Variants in TXN observed in about 807,000 individuals in gnomAD.
TXN encodes the protein thioredoxin.
In TXN, 10 loss-of-function variants were observed where a neutral mutation model predicts 16.5. The observed-to-expected ratio is 0.61, with a 90% CI of 0.37 to 1.03. The LOEUF (loss-of-function observed/expected upper bound fraction) is 1.03, where lower values mean the gene tolerates loss of function less well. Ranked by LOEUF, TXN falls within the 50% of genes least tolerant of loss-of-function variation. The pLI is 0.01. For missense variants in TXN, 71 were observed against 122.5 expected (o/e 0.58, Z 1.98); for synonymous variants, 35 against 39.4 (o/e 0.89, Z 0.42).
At chr9:110,248,759 C>T (rs2031760) in intron 3 of TXN, among the ~76,000 whole-genome samples, 32,170 of 151,898 alleles carry the variant, frequency 0.21, 4,285 homozygotes, top group East Asian at 0.62. Context: ...GTATAGTTAT[C>T]GTGAGGATTA....
At position 110,256,438 on chromosome 9, in the gene TXN, TGGCTGCTGGAGTCTGACGAGC is replaced by T; in HGVS notation, c.-24_-4del. ...TTGCTCTCGATCTGCTTCACCATCT[TGGCTGCTGGAGTCTGACGAGC>T]GGCTGTAAGGACCGATGGAAATGGA... On this transcript the variant is annotated 5_prime_UTR_variant, in exon 1 of 5. Coordinates refer to ENST00000374517, the MANE Select transcript of TXN (RefSeq NM_003329.4). The surrounding 1 kb of genome is among the most constrained non-coding windows in gnomAD (Gnocchi z 4.2). 1 of 1,606,940 alleles carries T rather than the reference TGGCTGCTGGAGTCTGACGAGC, an allele frequency of 6.2e-7. No individual in the cohort carries two copies. Among genetic ancestry groups the T allele is most frequent in the Non-Finnish European group, 8.5e-7 (1 of 1,176,812 alleles).
intron 3 of TXN, among the ~76,000 whole-genome samples, chr9:110,247,322 CAAAAA>C (rs5899888): frequency 2.4e-5 from 2 of 82,720 alleles, no homozygotes; most frequent in Admixed American, 1.4e-4. Context: ...GACTCTGTCT[CAAAAA>C]AAAAAAAAAA....
chr9:110,252,223 C>CAAAAAAAAAAAAAA lies in TXN; in HGVS notation c.25-775_25-762dup, dbSNP rs377246017. On this transcript the variant is annotated intron_variant, in intron 1 of 4. Transcript: ENST00000374517. ...TGGGCAATAGACGGAGACTCTGTCG[C>CAAAAAAAAAAAAAA]AAAAAAAAAAAAAAAAAAAAAAGCT... 1.1e-3 allele frequency among the ~76,000 whole-genome samples: 65 copies of CAAAAAAAAAAAAAA among 58,382 alleles called. 4 individuals carry two copies. Among genetic ancestry groups the CAAAAAAAAAAAAAA allele is most frequent in the African/African-American group, 5.7e-3 (62 of 10,884 alleles). The allele number at this position is 58,382 out of a possible 152,430, so 38.3% of individuals were successfully genotyped here.
intron 3 of TXN, among the ~76,000 whole-genome samples, chr9:110,250,229 G>A (rs1313413675): frequency 6.6e-6 from 1 of 152,196 alleles, no homozygotes; most frequent in Non-Finnish European, 1.5e-5. Context: ...AGGATTAAAT[G>A]AACTGATACT....
Position 110,245,602 on chromosome 9 carries a change from T to TATACACACACAC in TXN, c.190-760_190-759insGTGTGTGTGTAT, listed in dbSNP as rs200327890. 2.6e-4 allele frequency among the ~76,000 whole-genome samples: 16 copies of TATACACACACAC among 62,492 alleles called. 3 individuals carry two copies. The East Asian group carries it at 7.9e-3, about 31-fold the overall frequency. 41.0% of individuals were successfully genotyped at this position (62,492 alleles called of 152,430 possible). On this transcript the variant is annotated intron_variant, in intron 3 of 4. Transcript: ENST00000374517. ...TTTTGTGTGTGTGTGTGTATATATA[T>TATACACACACAC]ACACACACACACACACTATATATAT...
chr9:110,253,507 G>A (rs1350492756), intron 1 of TXN, among the ~76,000 whole-genome samples: 2 of 152,172 alleles, frequency 1.3e-5, no homozygotes, highest in African/African-American at 4.8e-5. Flanking sequence ...AGGAAAAAAG[G>A]TCAAGAAATG....
intron 3 of TXN, 32 bp from the exon 4 acceptor site, chr9:110,244,875 AAATAC>A: frequency 6.3e-7 from 1 of 1,581,456 alleles, no homozygotes; most frequent in South Asian, 1.1e-5. Context: ...GGAGAGGATT[AAATAC>A]AAGACTGCGA....
chr9:110,249,017 AC>A (rs1299060383), intron 3 of TXN, among the ~76,000 whole-genome samples: 1 of 150,414 alleles, frequency 6.6e-6, no homozygotes, highest in Non-Finnish European at 1.5e-5. Context: ...AATCCCAGCT[AC>A]CCAGGAGGCT....
chr9:110,248,236 C>G (rs886751786), intron 3 of TXN, among the ~76,000 whole-genome samples: 1 of 152,114 alleles, frequency 6.6e-6, no homozygotes, highest in African/African-American at 2.4e-5. Context: ...GTGTTTATAA[C>G]GTCTACAGGT....
chr9:110,254,424 A>G (rs576959194), intron 1 of TXN, among the ~76,000 whole-genome samples: 1 of 152,338 alleles, frequency 6.6e-6, no homozygotes, highest in East Asian at 1.9e-4. Context: ...CAGGAGGCTG[A>G]GGCAAGAGAA....
At chr9:110,253,048 T>C (rs1248402627) in intron 1 of TXN, among the ~76,000 whole-genome samples, 1 of 151,500 alleles carries the variant, frequency 6.6e-6, no homozygotes, top group Non-Finnish European at 1.5e-5. Context: ...GCTGGTCAAA[T>C]AGGTTTAAAA....
At chr9:110,247,478 G>A (rs1485756792) in intron 3 of TXN, among the ~76,000 whole-genome samples, 1 of 152,122 alleles carries the variant, frequency 6.6e-6, no homozygotes, top group Non-Finnish European at 1.5e-5. Context: ...CATATATGTG[G>A]TGGTCCCATA....
chr9:110,252,823 T>G (rs1837758654), intron 1 of TXN, among the ~76,000 whole-genome samples: 1 of 152,118 alleles, frequency 6.6e-6, no homozygotes, highest in Non-Finnish European at 1.5e-5. Flanking sequence ...TTTTGTATTT[T>G]TAGTAGAGAC....
intron 3 of TXN, among the ~76,000 whole-genome samples, chr9:110,245,476 C>G (rs1337100970): frequency 6.7e-6 from 1 of 149,286 alleles, no homozygotes; most frequent in Non-Finnish European, 1.5e-5. Flanking sequence ...GGGGCATAGT[C>G]TCAGCTCACT....
intron 1 of TXN, among the ~76,000 whole-genome samples, chr9:110,254,106 C>A (rs1407875653): frequency 6.6e-6 from 1 of 151,520 alleles, no homozygotes; most frequent in African/African-American, 2.4e-5. Flanking sequence ...CCATTCCTCT[C>A]TGAAATAGAT....
Position 110,251,347 on chromosome 9 carries a change from T to G in TXN, c.129+11A>C. On this transcript the variant is annotated intron_variant, in intron 2 of 4. Coordinates refer to ENST00000374517, the MANE Select transcript of TXN (RefSeq NM_003329.4). ...AAATCTCTTACAAAGCAGACATTGT[T>G]TAATACTCACATGAAAGAAAGGCTT... 1.3e-6 allele frequency: 2 copies of G among 1,586,290 alleles called. No homozygotes were observed. The highest frequency in any genetic ancestry group is 1.7e-6 in the Non-Finnish European group (2 of 1,156,756).
rs1487339386 is a variant in TXN, at chr9:110,251,343, T to C, written c.129+15A>G. The C allele has an allele frequency of 3.2e-6, 5 of 1,574,340 alleles. No homozygotes were observed. Among genetic ancestry groups the C allele is most frequent in the Non-Finnish European group, 4.4e-6 (5 of 1,145,766 alleles). ...ACACAAATCTCTTACAAAGCAGACA[T>C]TGTTTAATACTCACATGAAAGAAAG... On this transcript the variant is annotated intron_variant, in intron 2 of 4. Transcript: ENST00000374517.
rs5899890 is a variant in TXN at position 110,251,586 on chromosome 9, C to CAAA, written c.25-127_25-125dup. The CAAA allele has an allele frequency of 8.2e-3, 462 of 56,280 alleles. 59 individuals carry two copies. The highest frequency in any genetic ancestry group is 0.025 in the Admixed American group (91 of 3,708). 3.5% of individuals were successfully genotyped at this position (56,280 alleles called of 1,614,324 possible). On this transcript the variant is annotated intron_variant, in intron 1 of 4. Coordinates refer to ENST00000374517, the MANE Select transcript of TXN (RefSeq NM_003329.4). ...CTCCTTTCAGGACCTACTTTTTAGC[C>CAAA]AAAAAAAAAAAAAAAAAAAAAAAAA...
chr9:110,244,394 G>C lies in TXN; in HGVS notation c.256-175C>G, dbSNP rs1837622248. On this transcript the variant is annotated intron_variant, in intron 4 of 4. Coordinates refer to ENST00000374517, the MANE Select transcript of TXN (RefSeq NM_003329.4). The stretch of plus-strand genomic sequence containing the variant: ...AGAATAGGGGTGGAGGGAAAAAGAA[G>C]TATAATCTTATTTAAAGTAAACTTC... Among the ~76,000 whole-genome samples, 4 of 122,764 alleles carry C rather than the reference G, an allele frequency of 3.3e-5. No homozygotes were observed. The Admixed American group carries it at 3.6e-4, about 11-fold the overall frequency. The allele number at this position is 122,764 out of a possible 152,430, so 80.5% of individuals were successfully genotyped here.
Sources: allele counts gnomAD v4.1 joint callset (sites outside exome capture counted in the v4.1 genomes callset), GRCh38; gene constraint gnomAD v4.1.1; non-coding constraint Gnocchi (gnomAD v3.1); transcripts MANE v1.5; gene names NCBI Gene and HGNC (gene_info 2026-07-23, HGNC 2026-07-21).